The following NOX4 variants were observed in gnomAD, a reference collection of about 807,000 sequenced individuals.
NOX4 encodes the protein NADPH oxidase 4.
In NOX4, 69 loss-of-function variants were observed where a neutral mutation model predicts 87.6. The ratio of observed to expected loss-of-function variants is 0.79; its 90% CI spans 0.65 to 0.96. NOX4 has a LOEUF of 0.96. Ranked by LOEUF, NOX4 falls within the 40% of genes least tolerant of loss-of-function variation. NOX4 has a pLI of 0.00. For missense variants in NOX4, 680 were observed against 681.5 expected, an observed-to-expected ratio of 1.00 and a Z score of 0.02; for synonymous variants, 275 against 238.2, an observed-to-expected ratio of 1.15 and a Z score of -1.42.
chr11:89,449,168 G>A (rs1356626315), intron 4 of NOX4, among the ~76,000 whole-genome samples: 1 of 152,180 alleles, frequency 6.6e-6, no homozygotes, highest in Admixed American at 6.6e-5. Context: ...GCTGACAGCA[G>A]ATAATGTACA....
chr11:89,416,227 G>A (rs1277952845), intron 8 of NOX4, among the ~76,000 whole-genome samples: 1 of 152,118 alleles, frequency 6.6e-6, no homozygotes, highest in Non-Finnish European at 1.5e-5. Flanking sequence ...GCAAGAAATG[G>A]GAAACTGAAA....
At chr11:89,571,044 A>G in the NOX4 span, among the ~76,000 whole-genome samples, 1 of 152,162 alleles carries the variant, frequency 6.6e-6, no homozygotes, top group East Asian at 1.9e-4. Context: ...AAATTAATCC[A>G]TATTTTTACT....
At chr11:89,470,524 T>C (rs1253633143) in intron 2 of NOX4, among the ~76,000 whole-genome samples, 1 of 152,154 alleles carries the variant, frequency 6.6e-6, no homozygotes, top group Non-Finnish European at 1.5e-5. Context: ...GAAATCCAGT[T>C]AAGATCTGGA....
the NOX4 span, among the ~76,000 whole-genome samples, chr11:89,551,552 C>T: frequency 1.3e-5 from 2 of 152,088 alleles, no homozygotes; most frequent in African/African-American, 2.4e-5. Context: ...GTATTTTGTT[C>T]TCTTTGTAGC....
At chr11:89,413,207 A>G (rs1942576642) in intron 8 of NOX4, among the ~76,000 whole-genome samples, 1 of 152,138 alleles carries the variant, frequency 6.6e-6, no homozygotes, top group African/African-American at 2.4e-5. Flanking sequence ...AGAAAAGGGA[A>G]CCCTCATATA....
At position 89,421,986 on chromosome 11, in the gene NOX4, C is replaced by A; in HGVS notation, c.549-4G>T. 5 of 1,467,982 alleles carry A rather than the reference C, an allele frequency of 3.4e-6. No homozygotes were observed. The highest frequency in any genetic ancestry group is 3.5e-4 in the Middle Eastern group (2 of 5,634). The allele number at this position is 1,467,982 out of a possible 1,614,324, so 90.9% of individuals were successfully genotyped here. A position where few individuals can be genotyped will look rare whatever the true frequency, so the allele number is the denominator to read the frequency against. On this transcript the variant is annotated splice_polypyrimidine_tract_variant and splice_region_variant and intron_variant, in intron 7 of 17. Coordinates refer to ENST00000263317, the MANE Select transcript of NOX4 (RefSeq NM_016931.5). ...GAAGATATCATAGTTAGAAACTCTG[C>A]AAAAACAAATACACTCATTTTAATG...
intron 13 of NOX4, 69 bp from the exon 14 acceptor site, chr11:89,342,262 G>C (rs1386940146): frequency 3.6e-6 from 5 of 1,406,014 alleles, no homozygotes; most frequent in Non-Finnish European, 4.9e-6. Flanking sequence ...GTACCATATA[G>C]CAAACATGCT....
At chr11:89,526,122 CT>C in the NOX4 span, among the ~76,000 whole-genome samples, 25 of 152,164 alleles carry the variant, frequency 1.6e-4, no homozygotes, top group Admixed American at 1.6e-3. Context: ...TTGAAAGCAG[CT>C]TGTATAAGTT....
rs1945932410 is a variant in NOX4, at chr11:89,340,413, T to C, written c.1338-242A>G. Among the ~76,000 whole-genome samples, 6 of 43,634 alleles carry C rather than the reference T, an allele frequency of 1.4e-4. No homozygotes were observed. The South Asian group carries it at 2.6e-3, about 19-fold the overall frequency. The allele number at this position is 43,634 out of a possible 152,430, so 28.6% of individuals were successfully genotyped here. A position where few individuals can be genotyped will look rare whatever the true frequency, so the allele number is the denominator to read the frequency against. ...TTCATGAATTTAGGTGTTTAAGTGT[T>C]AAATGTTAAATGAATTTAAGTGTGA... On this transcript the variant is annotated intron_variant, in intron 14 of 17. Transcript: ENST00000263317.
At chr11:89,524,684 A>T in the NOX4 span, among the ~76,000 whole-genome samples, 7 of 152,124 alleles carry the variant, frequency 4.6e-5, no homozygotes, top group Non-Finnish European at 7.4e-5. Context: ...TTAAAAAAAA[A>T]GTATTATTTT....
intron 2 of NOX4, among the ~76,000 whole-genome samples, chr11:89,455,942 G>C (rs1945179415): frequency 6.6e-6 from 1 of 151,904 alleles, no homozygotes; most frequent in Admixed American, 6.6e-5. Flanking sequence ...GGGAGATGAA[G>C]AGGCAATGGT....
intron 2 of NOX4, among the ~76,000 whole-genome samples, chr11:89,462,475 C>T (rs1945512926): frequency 1.3e-5 from 2 of 152,038 alleles, no homozygotes; most frequent in Non-Finnish European, 2.9e-5. Flanking sequence ...TATAAAGTTA[C>T]AGTAATTCAG....
chr11:89,388,510 A>C (rs1940879339), intron 11 of NOX4, among the ~76,000 whole-genome samples: 1 of 152,180 alleles, frequency 6.6e-6, no homozygotes, highest in Non-Finnish European at 1.5e-5. Context: ...AGATCTTCTG[A>C]GACCTCTATG....
chr11:89,455,239 A>G (rs1005375438), intron 2 of NOX4, among the ~76,000 whole-genome samples: 1 of 139,590 alleles, frequency 7.2e-6, no homozygotes, highest in African/African-American at 3.3e-5. Context: ...TGTTTGTGTC[A>G]TAATACCTCA....
intron 13 of NOX4, among the ~76,000 whole-genome samples, chr11:89,344,671 A>G (rs896845520): frequency 6.6e-6 from 1 of 152,182 alleles, no homozygotes; most frequent in Non-Finnish European, 1.5e-5. Context: ...TGAATGTTCT[A>G]TGTATACCTT....
intron 15 of NOX4, 43 bp from the exon 16 acceptor site, chr11:89,337,558 G>A: frequency 1.9e-6 from 3 of 1,598,802 alleles, no homozygotes; most frequent in Middle Eastern, 1.7e-4. Flanking sequence ...CAATTCTGTG[G>A]GTATACTCAG....
chr11:89,428,191 G>A (rs1018702351), intron 7 of NOX4, among the ~76,000 whole-genome samples: 1 of 152,132 alleles, frequency 6.6e-6, no homozygotes, highest in Non-Finnish European at 1.5e-5. Context: ...GCACCACCAG[G>A]CCTCCCCTAA....
At chr11:89,434,200 G>A (rs1943967368) in intron 6 of NOX4, among the ~76,000 whole-genome samples, 2 of 152,012 alleles carry the variant, frequency 1.3e-5, no homozygotes, top group South Asian at 2.1e-4. Flanking sequence ...TAGGATTCCA[G>A]AGTTAGAATC....
Position 89,441,970 on chromosome 11 carries a change from T to A in NOX4, c.448-1255A>T, listed in dbSNP as rs1053220060. ...GACTATATATATATATATATATATATAATCAATATATAAATATATCAATAT... is the reference window on the plus strand; with the variant it reads ...GACTATATATATATATATATATATAAAATCAATATATAAATATATCAATAT... On this transcript the variant is annotated intron_variant, in intron 5 of 17. Coordinates refer to ENST00000263317, the MANE Select transcript of NOX4 (RefSeq NM_016931.5). 9.1e-4 allele frequency among the ~76,000 whole-genome samples: 131 copies of A among 143,338 alleles called. 1 individual carries two copies. Among genetic ancestry groups the A allele is most frequent in the South Asian group, 1.1e-3 (5 of 4,598 alleles). 94.0% of individuals were successfully genotyped at this position (143,338 alleles called of 152,430 possible). A position where few individuals can be genotyped will look rare whatever the true frequency, so the allele number is the denominator to read the frequency against.
Sources: allele counts gnomAD v4.1 joint callset (sites outside exome capture counted in the v4.1 genomes callset), GRCh38; gene constraint gnomAD v4.1.1; transcripts MANE v1.5; gene names NCBI Gene and HGNC (gene_info 2026-07-23, HGNC 2026-07-21).